The following PRKG1 variants were observed in gnomAD, a reference collection of about 807,000 sequenced individuals.
PRKG1 encodes the protein protein kinase cGMP-dependent 1.
PRKG1 carries 35 observed loss-of-function variants against 88.1 expected under a neutral mutation model. That is an observed-to-expected ratio of 0.40 (90% CI 0.30 to 0.53). The LOEUF is 0.53. Among genes scored for constraint, PRKG1 ranks in the 20% least tolerant of loss-of-function variants. PRKG1 has a pLI of 0.59. For synonymous variants in PRKG1, 303 were observed against 292.5 expected, an observed-to-expected ratio of 1.04 and a Z score of -0.37; for missense variants, 540 against 839.8, an observed-to-expected ratio of 0.64 and a Z score of 4.41.
intron 3 of PRKG1, among the ~76,000 whole-genome samples, chr10:51,570,595 T>G (rs550531948): frequency 6.6e-6 from 1 of 151,906 alleles, no homozygotes; most frequent in Non-Finnish European, 1.5e-5. Flanking sequence ...TTTATACATA[T>G]GGGTGTGTGT....
chr10:52,269,478 G>A (rs1024719626), intron 10 of PRKG1, among the ~76,000 whole-genome samples: 4 of 152,042 alleles, frequency 2.6e-5, no homozygotes, highest in Non-Finnish European at 4.4e-5. Flanking sequence ...TTTATTTGCA[G>A]TATCTTCATG....
chr10:52,033,842 A>C (rs920592943), intron 5 of PRKG1, among the ~76,000 whole-genome samples: 1 of 152,026 alleles, frequency 6.6e-6, no homozygotes, highest in Non-Finnish European at 1.5e-5. Flanking sequence ...AGGCGGACTG[A>C]GTCCGAAAAG....
At position 51,812,767 on chromosome 10, in the gene PRKG1, AT is replaced by A. The variant is rs375236892; in HGVS notation, c.698+8086del. On this transcript the variant is annotated intron_variant, in intron 4 of 17. Transcript: ENST00000373980. ...GAGAAGACGACACTTCAAAATGATG[AT>A]TTTTTTTTCTCTCAGTTCATGAGGT... 6.7e-3 allele frequency among the ~76,000 whole-genome samples: 1,023 copies of A among 151,730 alleles called. 12 individuals are homozygous for A. The highest frequency in any genetic ancestry group is 0.023 in the African/African-American group (963 of 41,354).
At chr10:51,873,808 C>T (rs749185733) in intron 4 of PRKG1, among the ~76,000 whole-genome samples, 16 of 152,130 alleles carry the variant, frequency 1.1e-4, no homozygotes, top group Non-Finnish European at 1.8e-4. Flanking sequence ...GGATTACAGG[C>T]GTGAGCCACC....
rs538351946 is a variant in PRKG1 at position 51,239,416 on chromosome 10, A to G, written c.478+86086A>G. 9.2e-5 allele frequency among the ~76,000 whole-genome samples: 14 copies of G among 152,336 alleles called. No individual in the cohort carries two copies. In the South Asian group the frequency reaches 2.1e-3, roughly 23 times the overall value. ...AAAAGTTCAAACTGGGGCTTCCCAG[A>G]TATTTCTTTTATAATGGAGCCTGTG... On this transcript the variant is annotated intron_variant, in intron 2 of 17. Transcript: ENST00000373980.
intron 9 of PRKG1, among the ~76,000 whole-genome samples, chr10:52,201,178 T>C (rs971751002): frequency 3.3e-5 from 5 of 152,216 alleles, no homozygotes; most frequent in Non-Finnish European, 7.4e-5. Context: ...AAGGTTTTCA[T>C]ACTTCCATGC....
intron 3 of PRKG1, among the ~76,000 whole-genome samples, chr10:51,671,053 T>TA (rs1840561770): frequency 6.6e-6 from 1 of 152,228 alleles, no homozygotes; most frequent in Non-Finnish European, 1.5e-5. Flanking sequence ...GAGATTTTTT[T>TA]ATGGGATAAT....
At chr10:51,055,361 A>T (rs1843614026) in intron 1 of PRKG1, among the ~76,000 whole-genome samples, 1 of 151,878 alleles carries the variant, frequency 6.6e-6, no homozygotes, top group African/African-American at 2.4e-5. Context: ...CCCCTCATTA[A>T]AAAAAAATCT....
chr10:51,792,783 T>C (rs978497631), intron 3 of PRKG1, among the ~76,000 whole-genome samples: 2 of 152,098 alleles, frequency 1.3e-5, no homozygotes, highest in Non-Finnish European at 2.9e-5. Flanking sequence ...TTCACACAGC[T>C]TTGACTTTTA....
chr10:51,453,832 G>A (rs1469013953), intron 2 of PRKG1, among the ~76,000 whole-genome samples: 1 of 151,952 alleles, frequency 6.6e-6, no homozygotes, highest in African/African-American at 2.4e-5. Flanking sequence ...TGATATGATT[G>A]TATACCTAGA....
intron 5 of PRKG1, among the ~76,000 whole-genome samples, chr10:52,003,565 A>C (rs564474929): frequency 1.3e-5 from 2 of 152,242 alleles, no homozygotes; most frequent in East Asian, 3.9e-4. Context: ...TCATATATAC[A>C]TTTATTCAGC....
intron 2 of PRKG1, among the ~76,000 whole-genome samples, chr10:51,408,764 G>A (rs1201527751): frequency 6.6e-6 from 1 of 152,202 alleles, no homozygotes; most frequent in Non-Finnish European, 1.5e-5. Context: ...GGCCCATTAG[G>A]CGATGACAGG....
chr10:52,018,834 C>G (rs1348552774), intron 5 of PRKG1, among the ~76,000 whole-genome samples: 9 of 152,088 alleles, frequency 5.9e-5, no homozygotes, highest in Admixed American at 1.3e-4. Context: ...TGAAAAAGTA[C>G]TGGAAGACAT....
At chr10:52,179,208 T>C (rs1370231598) in intron 9 of PRKG1, among the ~76,000 whole-genome samples, 1 of 152,198 alleles carries the variant, frequency 6.6e-6, no homozygotes. Context: ...CATGTTTTCA[T>C]GATTCTAATT....
At chr10:51,996,184 G>GCATGC (rs1564744104) in intron 5 of PRKG1, among the ~76,000 whole-genome samples, 1 of 151,614 alleles carries the variant, frequency 6.6e-6, no homozygotes, top group Admixed American at 6.6e-5. Flanking sequence ...ACGTGGTGGC[G>GCATGC]CATGCCTGTA....
chr10:51,525,635 T>C (rs1841862614), intron 3 of PRKG1, among the ~76,000 whole-genome samples: 1 of 152,042 alleles, frequency 6.6e-6, no homozygotes. Context: ...GAGGCAGAGC[T>C]TGCAGTGATC....
At chr10:51,618,265 TG>T (rs569011611) in intron 3 of PRKG1, among the ~76,000 whole-genome samples, 1 of 152,328 alleles carries the variant, frequency 6.6e-6, no homozygotes, top group East Asian at 1.9e-4. Flanking sequence ...CTTTATTTTC[TG>T]TGTTCCATAG....
chr10:51,636,140 T>A (rs896401307), intron 3 of PRKG1, among the ~76,000 whole-genome samples: 1 of 152,206 alleles, frequency 6.6e-6, no homozygotes, highest in Non-Finnish European at 1.5e-5. Context: ...TAAGTTTTTT[T>A]TAGAAGTAAG....
chr10:52,228,419 C>T (rs1035500721), intron 9 of PRKG1, among the ~76,000 whole-genome samples: 1 of 152,156 alleles, frequency 6.6e-6, no homozygotes, highest in African/African-American at 2.4e-5. Flanking sequence ...CTCTTAAACT[C>T]TTAGAGAAAA....
Sources: gnomAD v4.1 joint callset for allele counts (sites outside exome capture counted in the v4.1 genomes callset) on GRCh38, gnomAD v4.1.1 for gene constraint, MANE v1.5 for transcripts, NCBI Gene and HGNC (gene_info 2026-07-23, HGNC 2026-07-21) for gene names.